PAX5: variants seen among roughly 807,000 people sequenced by gnomAD.
The protein encoded by PAX5 is paired box 5, also known as paired box protein Pax-5.
PAX5 carries 9 observed loss-of-function variants against 43.7 expected under a neutral mutation model. The ratio of observed to expected loss-of-function variants is 0.21; its 90% CI spans 0.12 to 0.36. The LOEUF (loss-of-function observed/expected upper bound fraction) is 0.36. Among genes scored for constraint, PAX5 ranks in the 10% least tolerant of loss-of-function variants. The pLI, the probability that PAX5 is intolerant of heterozygous loss-of-function variation, is 1.00. For synonymous variants in PAX5, 228 were observed against 214.3 expected, an observed-to-expected ratio of 1.06 and a Z score of -0.56; for missense variants, 383 against 532.7, an observed-to-expected ratio of 0.72 and a Z score of 2.77.
intron 1 of PAX5, among the ~76,000 whole-genome samples, chr9:37,031,304 C>G (rs554019104): frequency 6.6e-6 from 1 of 152,162 alleles, no homozygotes; most frequent in Admixed American, 6.5e-5. Context: ...TCTGCTTCCC[C>G]GTTTGTTTAA....
chr9:36,854,239 G>A (rs1000721565), intron 8 of PAX5, among the ~76,000 whole-genome samples: 2 of 152,206 alleles, frequency 1.3e-5, no homozygotes, highest in African/African-American at 2.4e-5. Flanking sequence ...GGGATGTTGC[G>A]GGACCAAACT....
chr9:36,959,188 C>G lies in PAX5; in HGVS notation c.780+7361G>C, dbSNP rs538436259. ...CTCCTTCCCCTCTTCCCACCAGACC[C>G]TTCTCATTCTTCTTATCTTAGAATC... On this transcript the variant is annotated intron_variant, in intron 6 of 9. Coordinates refer to ENST00000358127, the MANE Select transcript of PAX5 (RefSeq NM_016734.3). Among the ~76,000 whole-genome samples, 31 of 152,372 alleles carry G rather than the reference C, an allele frequency of 2.0e-4. 1 individual carries two copies. The South Asian group carries it at 6.2e-3, about 31-fold the overall frequency.
intron 1 of PAX5, among the ~76,000 whole-genome samples, chr9:37,031,079 C>T (rs924730685): frequency 1.3e-5 from 2 of 152,212 alleles, no homozygotes; most frequent in East Asian, 3.8e-4. Flanking sequence ...GATTCCTGCC[C>T]CTGGATCAGG....
intron 8 of PAX5, among the ~76,000 whole-genome samples, chr9:36,879,906 C>G (rs1407593636): frequency 6.6e-6 from 1 of 152,202 alleles, no homozygotes; most frequent in Non-Finnish European, 1.5e-5. Flanking sequence ...CCTCTGTGAT[C>G]TGCCACAGGT....
At chr9:36,848,339 G>A (rs1822791354) in intron 8 of PAX5, among the ~76,000 whole-genome samples, 1 of 37,470 alleles carries the variant, frequency 2.7e-5, no homozygotes, top group African/African-American at 8.6e-5. Flanking sequence ...ACAACCACAG[G>A]CAGAGCGTGT....
At chr9:36,921,200 C>G (rs938891191) in intron 7 of PAX5, among the ~76,000 whole-genome samples, 5 of 152,192 alleles carry the variant, frequency 3.3e-5, no homozygotes, top group Non-Finnish European at 5.9e-5. Flanking sequence ...TATCCTGGAA[C>G]CAAACCCACA....
intron 3 of PAX5, among the ~76,000 whole-genome samples, chr9:37,014,124 C>T (rs1839193829): frequency 6.6e-6 from 1 of 152,318 alleles, no homozygotes; most frequent in African/African-American, 2.4e-5. Flanking sequence ...TGAACTTCAT[C>T]CCTGACTCTT....
chr9:36,894,594 T>C (rs574052450), intron 7 of PAX5, among the ~76,000 whole-genome samples: 71 of 152,292 alleles, frequency 4.7e-4, no homozygotes, highest in African/African-American at 1.6e-3. Flanking sequence ...TTCGCCTCTC[T>C]GTGTGTCAGG....
chr9:36,912,347 G>C (rs959668339), intron 7 of PAX5, among the ~76,000 whole-genome samples: 44 of 152,226 alleles, frequency 2.9e-4, no homozygotes, highest in Admixed American at 6.5e-4. Context: ...AAACTCTAGT[G>C]CTGGCCCATT....
At chr9:36,978,641 T>G (rs1029257277) in intron 5 of PAX5, among the ~76,000 whole-genome samples, 2 of 152,238 alleles carry the variant, frequency 1.3e-5, no homozygotes, top group Non-Finnish European at 2.9e-5. Context: ...GGTTCGTATT[T>G]GAAGTGTATC....
At chr9:37,022,140 C>T (rs1210183620) in intron 1 of PAX5, among the ~76,000 whole-genome samples, 1 of 152,104 alleles carries the variant, frequency 6.6e-6, no homozygotes, top group Non-Finnish European at 1.5e-5. Context: ...TGAATATTTC[C>T]CAAAAACGTC....
At chr9:37,028,932 C>A (rs76466853) in intron 1 of PAX5, among the ~76,000 whole-genome samples, 93 of 152,286 alleles carry the variant, frequency 6.1e-4, no homozygotes, top group African/African-American at 2.0e-3. Context: ...TCTGAGACAA[C>A]AATCAAAGAA....
chr9:36,937,278 T>C (rs1241463700), intron 6 of PAX5, among the ~76,000 whole-genome samples: 1 of 152,154 alleles, frequency 6.6e-6, no homozygotes, highest in Admixed American at 6.5e-5. Context: ...TACCCTCCCT[T>C]TACAGATGAT....
intron 2 of PAX5, 54 bp downstream of exon 2, chr9:37,020,582 T>C (rs1444930076): frequency 9.0e-6 from 14 of 1,553,708 alleles, no homozygotes; most frequent in Non-Finnish European, 1.1e-5. Flanking sequence ...TGCTGGGTCA[T>C]GTTTTAGGTC....
At chr9:36,976,751 C>A (rs1026290273) in intron 5 of PAX5, among the ~76,000 whole-genome samples, 1 of 152,142 alleles carries the variant, frequency 6.6e-6, no homozygotes, top group Non-Finnish European at 1.5e-5. Context: ...CAGGTTTGAC[C>A]AGAGTGAATC....
Position 37,002,636 on chromosome 9 carries a change from G to A in PAX5, c.604+12C>T, listed in dbSNP as rs1246472859. 1 of 1,608,052 alleles carries A rather than the reference G, an allele frequency of 6.2e-7. No individual in the cohort carries two copies. The highest frequency in any genetic ancestry group is 1.7e-5 in the Admixed American group (1 of 59,716). On this transcript the variant is annotated intron_variant, in intron 5 of 9. Coordinates refer to ENST00000358127, the MANE Select transcript of PAX5 (RefSeq NM_016734.3). The stretch of plus-strand genomic sequence containing the variant: ...AGCGCATCCCCGACGGGGCTGCGCG[G>A]GCCTCTCTTACCTTCGTCTCTCTTG...
intron 1 of PAX5, among the ~76,000 whole-genome samples, chr9:37,033,247 T>C (rs182398085): frequency 1.0e-3 from 159 of 152,280 alleles, no homozygotes; most frequent in African/African-American, 3.7e-3. Context: ...TATCTCCCAA[T>C]AGAATGGACA....
At chr9:36,850,474 C>T (rs996271507) in intron 8 of PAX5, among the ~76,000 whole-genome samples, 45 of 152,306 alleles carry the variant, frequency 3.0e-4, no homozygotes, top group African/African-American at 9.4e-4. Flanking sequence ...TCTTTTGTTG[C>T]GGCCTCCGGA....
At position 36,923,448 on chromosome 9, in the gene PAX5, C is replaced by T. The variant is rs2131969363; in HGVS notation, c.817G>A (p.Gly273Arg). The change falls in exon 7 of 10, where the codon GGG becomes AGG. Residue 273 changes from glycine (G) to arginine (R), a missense_variant. Physicochemically the swap from Gly to Arg is moderately radical, Grantham distance 125. This residue lies in a region of PAX5 where 291 missense variants were observed against 342.5 expected (regional missense o/e 0.85). Coordinates refer to ENST00000358127, the MANE Select transcript of PAX5 (RefSeq NM_016734.3). ...EYSAMASLAGGLDDMKANLAS... is the reference protein window; with the variant it reads ...EYSAMASLAGRLDDMKANLAS... ...AGATTGGCCTTCATGTCGTCCAGCCCACCAGCCAGCGAGGCCATGGCTGAA... is the reference window on the plus strand; with the variant it reads ...AGATTGGCCTTCATGTCGTCCAGCCTACCAGCCAGCGAGGCCATGGCTGAA... 2 of 1,612,400 alleles carry T rather than the reference C, an allele frequency of 1.2e-6. No homozygotes were observed. Among genetic ancestry groups the T allele is most frequent in the Non-Finnish European group, 1.7e-6 (2 of 1,179,992 alleles).
Sources: allele counts gnomAD v4.1 joint callset (sites outside exome capture counted in the v4.1 genomes callset), GRCh38; gene constraint gnomAD v4.1.1; regional missense constraint gnomAD v4.1.1; transcripts MANE v1.5; gene names NCBI Gene and HGNC (gene_info 2026-07-23, HGNC 2026-07-21).